Variants in SLC52A3 observed in about 807,000 individuals in gnomAD.
SLC52A3 encodes solute carrier family 52 member 3.
SLC52A3 carries 20 observed loss-of-function variants against 29.5 expected under a neutral mutation model. The observed-to-expected ratio is 0.68, with a 90% CI of 0.48 to 0.99. The LOEUF (loss-of-function observed/expected upper bound fraction) is 0.99, where lower values mean the gene tolerates loss of function less well. Ranked by LOEUF, SLC52A3 falls within the 50% of genes least tolerant of loss-of-function variation. The pLI is 0.00. For synonymous variants in SLC52A3, 301 were observed against 271.0 expected, an observed-to-expected ratio of 1.11 and a Z score of -1.09; for missense variants, 548 against 612.9, an observed-to-expected ratio of 0.89 and a Z score of 1.12.
chr20:769,986 T>C (rs912275700), upstream of SLC52A3, among the ~76,000 whole-genome samples: 2 of 152,306 alleles, frequency 1.3e-5, no homozygotes, highest in African/African-American at 4.8e-5. Flanking sequence ...TCTTTGTAGC[T>C]GCACATGGCC....
chr20:775,279 T>C (rs1261391272), intron 1 of SLC52A3, among the ~76,000 whole-genome samples: 1 of 74,090 alleles, frequency 1.3e-5, no homozygotes, highest in East Asian at 2.3e-4. Context: ...TTTTTTTTTT[T>C]TTTTTTTTTT....
At position 765,562 on chromosome 20, in the gene SLC52A3, T is replaced by A; in HGVS notation, c.213A>T (p.Glu71Asp). The A allele has an allele frequency of 6.3e-7, 1 of 1,579,106 alleles. No individual in the cohort carries two copies. ...LHHFRPSCLS[E>D]VPIIFTLLGV... ...CCAGCAGGGTGAAGATGATGGGCAC[T>A]TCGGAAAGGCAGCTGGGCCGGAAGT... Residue 71 changes from glutamate (E) to aspartate (D), a missense_variant, in exon 2 of 5, where the codon GAA (glutamate) becomes GAT (aspartate). Coordinates refer to ENST00000645534, the MANE Select transcript of SLC52A3 (RefSeq NM_033409.4). The surrounding 1 kb of genome is among the most constrained non-coding windows in gnomAD (Gnocchi z 6.6).
intron 3 of SLC52A3, among the ~76,000 whole-genome samples, chr20:762,879 G>T (rs1986537420): frequency 6.6e-6 from 1 of 152,292 alleles, no homozygotes; most frequent in East Asian, 1.9e-4. Context: ...TCCCAAGGTG[G>T]TAGTTCTCCT....
upstream of SLC52A3, among the ~76,000 whole-genome samples, chr20:768,825 A>G (rs369265954): frequency 5.7e-4 from 87 of 152,296 alleles, no homozygotes; most frequent in African/African-American, 1.9e-3. Flanking sequence ...AGAGGACCCA[A>G]GGAGGGAGGG....
At position 765,334 on chromosome 20, in the gene SLC52A3, G is replaced by T. The variant is rs779220699; in HGVS notation, c.441C>A (p.Leu147=). 40 of 1,614,046 alleles carry T rather than the reference G, an allele frequency of 2.5e-5. No homozygotes were observed. The highest frequency in any genetic ancestry group is 3.3e-5 in the Non-Finnish European group (39 of 1,180,022). Residue 147 remains leucine (L), a synonymous_variant, in exon 2 of 5, where the codon CTC becomes CTA. Coordinates refer to ENST00000645534, the MANE Select transcript of SLC52A3 (RefSeq NM_033409.4). The surrounding 1 kb of genome is among the most constrained non-coding windows in gnomAD (Gnocchi z 6.6). ...YLTTFFVGEG[L]SGLLPALVAL... is the part of the protein sequence containing the mutation. ...CCACCAGGGCGGGCAAGAGGCCGCT[G>T]AGTCCTTCACCCACAAAGAAGGTGG... is the stretch of plus-strand genomic sequence containing the variant.
chr20:764,099 T>A, intron 2 of SLC52A3, 96 bp from the exon 3 acceptor site: 1 of 1,184,820 alleles, frequency 8.4e-7, no homozygotes, highest in Non-Finnish European at 1.2e-6. Flanking sequence ...CACCTGTTAT[T>A]ATTAATGGAT....
intron 3 of SLC52A3, among the ~76,000 whole-genome samples, chr20:763,133 C>T (rs1488244758): frequency 6.6e-6 from 1 of 152,236 alleles, no homozygotes; most frequent in East Asian, 1.9e-4. Context: ...AAACGGGAAC[C>T]TCAGTGGCTA....
rs754225887 is a variant in SLC52A3 at position 761,110 on chromosome 20, G to T, written c.1326C>A (p.Leu442=). 2 of 1,604,098 alleles carry T rather than the reference G, an allele frequency of 1.2e-6. No individual in the cohort carries two copies. Among genetic ancestry groups the T allele is most frequent in the East Asian group, 4.5e-5 (2 of 44,292 alleles). ...CGAAVQLGSL[L]GALLMFPLVN... ...CCAGAGGGAACATGAGCAGCGCTCC[G>T]AGCAGCGAGCCCAGCTGCACCGCCG... The change falls in exon 5 of 5, where the codon CTC becomes CTA. Residue 442 remains leucine, a synonymous_variant. Coordinates refer to ENST00000645534, the MANE Select transcript of SLC52A3 (RefSeq NM_033409.4).
chr20:763,490 G>A lies in SLC52A3; in HGVS notation c.1073+8C>T. 1 of 1,613,890 alleles carries A rather than the reference G, an allele frequency of 6.2e-7. No homozygotes were observed. The highest frequency in any genetic ancestry group is 8.5e-7 in the Non-Finnish European group (1 of 1,179,912). ...ACTAGGATTCCCTAGGACCAGATGA[G>A]GGCACACCTGTTAGGCAGGAACATG... On this transcript the variant is annotated splice_region_variant and intron_variant, in intron 3 of 4. Transcript: ENST00000645534.
At chr20:761,649 G>A (rs1349044310) in intron 4 of SLC52A3, 52 bp downstream of exon 4, 5 of 1,609,140 alleles carry the variant, frequency 3.1e-6, no homozygotes, top group Non-Finnish European at 4.2e-6. Flanking sequence ...CCAGGCCTTG[G>A]CTAGGGGTGA....
chr20:778,461 G>C (rs1987128567), upstream of SLC52A3, among the ~76,000 whole-genome samples: 1 of 152,054 alleles, frequency 6.6e-6, no homozygotes. Context: ...ACCCTTCTTT[G>C]AGTCTCATAT....
Position 763,681 on chromosome 20 carries a change from G to A in SLC52A3, c.890C>T (p.Pro297Leu), listed in dbSNP as rs201990981. Residue 297 changes from proline (P) to leucine (L), a missense_variant, in exon 3 of 5, where the codon CCG becomes CTG. Coordinates refer to ENST00000645534, the MANE Select transcript of SLC52A3 (RefSeq NM_033409.4). ...YLEEKAAPCC[P>L]AHLAFIYTLV... ...GGTATAGATGAAGGCCAGGTGCGCC[G>A]GGCAGCAGGGGGCTGCTTTCTCCTC... The A allele has an allele frequency of 1.1e-4, 183 of 1,614,016 alleles. No individual in the cohort carries two copies. The highest frequency in any genetic ancestry group is 1.5e-4 in the Non-Finnish European group (172 of 1,180,004).
At chr20:774,376 C>T (rs183507571) in intron 1 of SLC52A3, among the ~76,000 whole-genome samples, 7 of 152,120 alleles carry the variant, frequency 4.6e-5, no homozygotes, top group Non-Finnish European at 7.3e-5. Context: ...GGCCTGTAGG[C>T]GTCTACTTAG....
chr20:765,592 G>A lies in SLC52A3; in HGVS notation c.183C>T (p.Leu61=), dbSNP rs1372014420. ...ANIGPLLVTL[L]HHFRPSCLSE... Reference sequence around the variant, plus strand: ...AAAGGCAGCTGGGCCGGAAGTGATGGAGCAGGGTGACCAGGAGGGGCCCGA... The same window carrying A: ...AAAGGCAGCTGGGCCGGAAGTGATGAAGCAGGGTGACCAGGAGGGGCCCGA... Residue 61 remains leucine (L), a synonymous_variant, in exon 2 of 5, where the codon CTC becomes CTT. Transcript: ENST00000645534. This position sits in a 1 kb window ranked among gnomAD's most constrained non-coding sequence, Gnocchi z 6.6. 4.4e-6 allele frequency: 7 copies of A among 1,591,288 alleles called. No individual in the cohort carries two copies. Among genetic ancestry groups the A allele is most frequent in the Non-Finnish European group, 6.0e-6 (7 of 1,169,438 alleles).
At chr20:773,840 G>A (rs1362748072) in intron 1 of SLC52A3, among the ~76,000 whole-genome samples, 1 of 152,170 alleles carries the variant, frequency 6.6e-6, no homozygotes, top group African/African-American at 2.4e-5. Flanking sequence ...ATTGGGAGTG[G>A]GGTTCTGACC....
chr20:765,627 G>A lies in SLC52A3; in HGVS notation c.148C>T (p.Leu50=). The change falls in exon 2 of 5, where the codon CTG becomes TTG. Residue 50 remains leucine (L), a synonymous_variant. Transcript: ENST00000645534. This position sits in a 1 kb window ranked among gnomAD's most constrained non-coding sequence, Gnocchi z 6.6. Reference sequence around the variant, plus strand: ...ACCAGGAGGGGCCCGATGTTGGCCAGCTGGATGACCACCGTGAGGTAGGAG... The same window carrying A: ...ACCAGGAGGGGCCCGATGTTGGCCAACTGGATGACCACCGTGAGGTAGGAG... ...LPSYLTVVIQ[L]ANIGPLLVTL... 1 of 1,606,690 alleles carries A rather than the reference G, an allele frequency of 6.2e-7. No individual in the cohort carries two copies. Among genetic ancestry groups the A allele is most frequent in the Admixed American group, 1.7e-5 (1 of 58,462 alleles).
At position 765,292 on chromosome 20, in the gene SLC52A3, G is replaced by A. The variant is rs113754514; in HGVS notation, c.483C>T (p.Ser161=). 2.5e-5 allele frequency: 40 copies of A among 1,614,132 alleles called. No homozygotes were observed. Among genetic ancestry groups the A allele is most frequent in the South Asian group, 4.4e-5 (4 of 91,078 alleles). The change falls in exon 2 of 5, where the codon TCC becomes TCT. Residue 161 remains serine, a synonymous_variant. Coordinates refer to ENST00000645534, the MANE Select transcript of SLC52A3 (RefSeq NM_033409.4). This position sits in a 1 kb window ranked among gnomAD's most constrained non-coding sequence, Gnocchi z 6.6. ...LPALVALAQG[S]GLTTCVNVTE... Reference sequence around the variant, plus strand: ...TGACATTGACGCAGGTAGTGAGACCGGAGCCCTGGGCAAGAGCCACCAGGG... The same window carrying A: ...TGACATTGACGCAGGTAGTGAGACCAGAGCCCTGGGCAAGAGCCACCAGGG...
At chr20:779,714 G>A (rs1413541864), upstream of SLC52A3, among the ~76,000 whole-genome samples, 2 of 152,208 alleles carry the variant, frequency 1.3e-5, no homozygotes, top group Non-Finnish European at 2.9e-5. Flanking sequence ...TTGTAGCTGG[G>A]TAAGACCTAG....
rs116574751 is a variant in SLC52A3 at position 775,430 on chromosome 20, C to T, written c.-238+525G>A. 6.0e-3 allele frequency among the ~76,000 whole-genome samples: 916 copies of T among 152,192 alleles called. 8 individuals are homozygous for T. Among genetic ancestry groups the T allele is most frequent in the African/African-American group, 0.02 (850 of 41,524 alleles). On this transcript the variant is annotated intron_variant, in intron 1 of 5. Coordinates refer to the SLC52A3 transcript ENST00000217254. ...CTGGGACTATTAACCCATGCCACCA[C>T]GTCCGACCTGGGTAATTTTTGTATT...
Sources: gnomAD v4.1 joint callset for allele counts (sites outside exome capture counted in the v4.1 genomes callset) on GRCh38, gnomAD v4.1.1 for gene constraint, Gnocchi (gnomAD v3.1) non-coding constraint, MANE v1.5 for transcripts, NCBI Gene and HGNC (gene_info 2026-07-23, HGNC 2026-07-21) for gene names.